The following SLC25A21 variants were observed in gnomAD, a reference collection of about 807,000 sequenced individuals.
SLC25A21 encodes solute carrier family 25 member 21.
Under a neutral mutation model 43.8 loss-of-function variants are expected in SLC25A21, and 47 were observed. That is an observed-to-expected ratio of 1.07 (90% CI 0.85 to 1.37). The LOEUF (loss-of-function observed/expected upper bound fraction) is 1.37, where lower values mean the gene tolerates loss of function less well. SLC25A21 is among the 40% of genes most tolerant of loss of function. The pLI, the probability that SLC25A21 is intolerant of heterozygous loss-of-function variation, is 0.00. For synonymous variants in SLC25A21, 131 were observed against 121.3 expected, an observed-to-expected ratio of 1.08 and a Z score of -0.52; for missense variants, 352 against 350.2, an observed-to-expected ratio of 1.00 and a Z score of -0.04.
At chr14:36,699,974 G>A (rs1884218) in intron 7 of SLC25A21, among the ~76,000 whole-genome samples, 68,482 of 151,992 alleles carry the variant, frequency 0.45, 16,200 homozygotes, top group East Asian at 0.82. Context: ...ACCAGTCCCA[G>A]TGAGATGAAC....
intron 7 of SLC25A21, among the ~76,000 whole-genome samples, chr14:36,696,056 GTTC>G (rs1334117093): frequency 6.6e-5 from 10 of 152,244 alleles, no homozygotes; most frequent in African/African-American, 1.9e-4. Flanking sequence ...GTCATAAATA[GTTC>G]TTATTATTTT....
chr14:37,052,985 A>G (rs1389229932), intron 1 of SLC25A21, among the ~76,000 whole-genome samples: 1 of 152,226 alleles, frequency 6.6e-6, no homozygotes, highest in African/African-American at 2.4e-5. Flanking sequence ...TAATCTAAGA[A>G]GATTTCAATA....
At chr14:36,884,635 A>C (rs1313368257) in intron 1 of SLC25A21, among the ~76,000 whole-genome samples, 1 of 152,008 alleles carries the variant, frequency 6.6e-6, no homozygotes, top group African/African-American at 2.4e-5. Flanking sequence ...CCTTGCCAAC[A>C]CTTTTTATCT....
At chr14:36,775,934 A>C (rs1218505687) in intron 3 of SLC25A21, among the ~76,000 whole-genome samples, 2 of 152,116 alleles carry the variant, frequency 1.3e-5, no homozygotes, top group Non-Finnish European at 2.9e-5. Context: ...AGGCCTGGAC[A>C]TTGGATCACC....
chr14:36,712,098 C>A (rs1220343846), intron 6 of SLC25A21, among the ~76,000 whole-genome samples: 1 of 152,098 alleles, frequency 6.6e-6, no homozygotes, highest in East Asian at 1.9e-4. Flanking sequence ...ACTTGGTTAC[C>A]ACCTTGAAAT....
chr14:37,009,501 C>T (rs923577391), intron 1 of SLC25A21, among the ~76,000 whole-genome samples: 3 of 151,942 alleles, frequency 2.0e-5, no homozygotes, highest in Non-Finnish European at 4.4e-5. Flanking sequence ...AAAAAAAGAA[C>T]TTAGATAGCT....
chr14:36,948,254 CTAAT>C (rs1037014554), intron 1 of SLC25A21, among the ~76,000 whole-genome samples: 1 of 152,132 alleles, frequency 6.6e-6, no homozygotes, highest in Non-Finnish European at 1.5e-5. Flanking sequence ...ATTTGCCACT[CTAAT>C]TAACTGGGAT....
intron 1 of SLC25A21, among the ~76,000 whole-genome samples, chr14:36,976,427 C>G (rs1959873431): frequency 6.6e-6 from 1 of 152,128 alleles, no homozygotes; most frequent in Admixed American, 6.5e-5. Flanking sequence ...ACTTCTCAGA[C>G]TTCTCTCTAT....
At chr14:37,150,471 C>A (rs1594818943) in intron 1 of SLC25A21, among the ~76,000 whole-genome samples, 1 of 152,100 alleles carries the variant, frequency 6.6e-6, no homozygotes, top group East Asian at 1.9e-4. Flanking sequence ...AGGTATGAAT[C>A]ACAATTAAAA....
intron 1 of SLC25A21, among the ~76,000 whole-genome samples, chr14:36,958,945 T>C (rs996359665): frequency 2.0e-5 from 3 of 152,228 alleles, no homozygotes; most frequent in African/African-American, 4.8e-5. Context: ...CTGGTGAGAC[T>C]GTGCATATTG....
chr14:36,767,221 C>T (rs778143271), intron 3 of SLC25A21, among the ~76,000 whole-genome samples: 2 of 152,202 alleles, frequency 1.3e-5, no homozygotes, highest in Non-Finnish European at 2.9e-5. Flanking sequence ...ACTTAGTAAA[C>T]TGGCTTTCAT....
rs530225374 is a variant in SLC25A21, at chr14:36,764,639, C to G, written c.204-30066G>C. Among the ~76,000 whole-genome samples the G allele has an allele frequency of 2.0e-5, 3 of 149,236 alleles. No individual in the cohort carries two copies. The East Asian group carries it at 5.9e-4, about 29-fold the overall frequency. On this transcript the variant is annotated intron_variant, in intron 3 of 9. Transcript: ENST00000331299. The stretch of plus-strand genomic sequence containing the variant: ...CTCCAAAAAAAAAAAAAAAACCACG[C>G]ATGCCCACATACACACACACATCCC...
intron 1 of SLC25A21, among the ~76,000 whole-genome samples, chr14:37,009,192 C>T (rs1960674861): frequency 6.6e-6 from 1 of 151,972 alleles, no homozygotes; most frequent in Non-Finnish European, 1.5e-5. Context: ...TAAGAAATAA[C>T]TTAGATAGCT....
At chr14:36,768,964 T>C (rs1422311340) in intron 3 of SLC25A21, among the ~76,000 whole-genome samples, 3 of 150,126 alleles carry the variant, frequency 2.0e-5, no homozygotes, top group Non-Finnish European at 3.0e-5. Flanking sequence ...CCTATATCTA[T>C]CTATATCTAT....
chr14:36,968,681 G>A (rs541700715), intron 1 of SLC25A21, among the ~76,000 whole-genome samples: 2 of 152,060 alleles, frequency 1.3e-5, no homozygotes, highest in East Asian at 1.9e-4. Context: ...GCAGCTCAGC[G>A]TTGGGTCCAA....
At chr14:36,860,893 T>C (rs1328291030) in intron 2 of SLC25A21, among the ~76,000 whole-genome samples, 1 of 152,226 alleles carries the variant, frequency 6.6e-6, no homozygotes, top group African/African-American at 2.4e-5. Context: ...ATATTCACAA[T>C]AATTTTGTGT....
chr14:36,728,749 T>C (rs1343420011), intron 5 of SLC25A21, among the ~76,000 whole-genome samples: 1 of 152,228 alleles, frequency 6.6e-6, no homozygotes, highest in Admixed American at 6.5e-5. Context: ...TGAGGGCATT[T>C]TCCTAGAGGC....
rs1167201982 is a variant in SLC25A21, at chr14:36,680,151, A to G, written c.*507T>C. On this transcript the variant is annotated 3_prime_UTR_variant, in exon 10 of 10. Coordinates refer to ENST00000331299, the MANE Select transcript of SLC25A21 (RefSeq NM_030631.4). ...TAAAAGGTCATTTTAGTGCACTTTA[A>G]AAAATTTTTCTTGTGCTCTTTAAAT... 1.2e-6 allele frequency: 1 copy of G among 856,206 alleles called. No homozygotes were observed. The highest frequency in any genetic ancestry group is 6.2e-5 in the Admixed American group (1 of 16,106). The allele number at this position is 856,206 out of a possible 1,614,324, so 53.0% of individuals were successfully genotyped here.
At chr14:36,704,388 G>T (rs975277565) in intron 7 of SLC25A21, among the ~76,000 whole-genome samples, 6 of 152,316 alleles carry the variant, frequency 3.9e-5, no homozygotes, top group Admixed American at 3.9e-4. Flanking sequence ...ACTGGGTGCG[G>T]TGGCTAACGC....
Sources: gnomAD v4.1 joint callset for allele counts (sites outside exome capture counted in the v4.1 genomes callset) on GRCh38, gnomAD v4.1.1 for gene constraint, MANE v1.5 for transcripts, NCBI Gene and HGNC (gene_info 2026-07-23, HGNC 2026-07-21) for gene names.